GRIP1: variants seen among roughly 807,000 people sequenced by gnomAD.
GRIP1 encodes glutamate receptor interacting protein 1.
GRIP1 carries 45 observed loss-of-function variants against 129.9 expected under a neutral mutation model. The observed-to-expected ratio is 0.35, with a 90% CI of 0.27 to 0.44. The LOEUF is 0.44. Among genes scored for constraint, GRIP1 ranks in the 20% least tolerant of loss-of-function variants. GRIP1 has a pLI of 1.00. For synonymous variants in GRIP1, 530 were observed against 520.8 expected, an observed-to-expected ratio of 1.02 and a Z score of -0.24; for missense variants, 1,196 against 1,396.8, an observed-to-expected ratio of 0.86 and a Z score of 2.29.
At chr12:66,901,314 T>C (rs368779202) in intron 1 of GRIP1, among the ~76,000 whole-genome samples, 20 of 152,282 alleles carry the variant, frequency 1.3e-4, no homozygotes, top group Non-Finnish European at 2.2e-4. Context: ...TTTTAAGCAA[T>C]AGACAAAAGA....
intron 1 of GRIP1, among the ~76,000 whole-genome samples, chr12:66,972,780 A>G (rs1592411761): frequency 6.6e-6 from 1 of 152,276 alleles, no homozygotes; most frequent in East Asian, 1.9e-4. Flanking sequence ...ATTCTAATTC[A>G]TGCACACTCA....
At chr12:66,439,643 C>T (rs1360477394) in intron 13 of GRIP1, among the ~76,000 whole-genome samples, 2 of 152,134 alleles carry the variant, frequency 1.3e-5, no homozygotes, top group African/African-American at 2.4e-5. Context: ...TAATCTCTTC[C>T]ATTGCTGTTA....
At chr12:66,660,686 G>C (rs1410003246) in intron 1 of GRIP1, among the ~76,000 whole-genome samples, 1 of 152,084 alleles carries the variant, frequency 6.6e-6, no homozygotes, top group Admixed American at 6.5e-5. Context: ...CATTTCTGCT[G>C]CATGAAGTGA....
In GRIP1 at chr12:66,697,057, C is replaced by T. The variant is rs536577165; in HGVS notation, c.-419-66721G>A. ...AACTACTCTGAAGACAAGTGTGATC[C>T]CAGTGCCTGACATATAGCAGGTGCT... On this transcript the variant is annotated intron_variant, in intron 1 of 4. Transcript: ENST00000538373. Among the ~76,000 whole-genome samples, 24 of 152,134 alleles carry T rather than the reference C, an allele frequency of 1.6e-4. No homozygotes were observed. In the South Asian group the frequency reaches 2.5e-3, roughly 16 times the overall value.
chr12:66,390,812 G>A (rs1206718636), intron 19 of GRIP1, among the ~76,000 whole-genome samples: 2 of 152,080 alleles, frequency 1.3e-5, no homozygotes, highest in African/African-American at 4.8e-5. Context: ...GTGTCTTCTG[G>A]TGGCCCATCA....
rs188751870 is a variant in GRIP1, at chr12:66,905,007, G to A, written c.58+164043C>T. Among the ~76,000 whole-genome samples the A allele has an allele frequency of 3.9e-5, 6 of 152,258 alleles. No homozygotes were observed. The East Asian group carries it at 1.2e-3, about 29-fold the overall frequency. Reference sequence around the variant, plus strand: ...GTGCTGCGGTGTCCTCAACAAAGGAGATTTCACCATCCCAAGTCCTTAGAT... The same window carrying A: ...GTGCTGCGGTGTCCTCAACAAAGGAAATTTCACCATCCCAAGTCCTTAGAT... On this transcript the variant is annotated intron_variant, in intron 1 of 1. Coordinates refer to the GRIP1 transcript ENST00000643019.
intron 19 of GRIP1, among the ~76,000 whole-genome samples, chr12:66,380,204 C>T (rs1395492564): frequency 3.9e-5 from 6 of 152,212 alleles, no homozygotes; most frequent in South Asian, 2.1e-4. Flanking sequence ...GCCATCGTGC[C>T]GGCCCCATTT....
chr12:66,841,901 A>G (rs10437969), intron 1 of GRIP1, among the ~76,000 whole-genome samples: 24,584 of 152,168 alleles, frequency 0.16, 2,141 homozygotes, highest in East Asian at 0.37. Flanking sequence ...AAAGACACAC[A>G]TAATAAAAAT....
chr12:66,447,452 T>G (rs2058663036), intron 11 of GRIP1, among the ~76,000 whole-genome samples: 1 of 152,202 alleles, frequency 6.6e-6, no homozygotes, highest in African/African-American at 2.4e-5. Context: ...CTCAAATGTT[T>G]CTACCCTAAA....
intron 1 of GRIP1, among the ~76,000 whole-genome samples, chr12:66,890,324 C>T (rs540297543): frequency 6.6e-6 from 1 of 152,278 alleles, no homozygotes; most frequent in Admixed American, 6.5e-5. Context: ...AATGCTTGAA[C>T]CACAAACATA....
chr12:66,730,636 T>TGAG (rs2136494484), intron 1 of GRIP1, among the ~76,000 whole-genome samples: 1 of 147,784 alleles, frequency 6.8e-6, no homozygotes, highest in Non-Finnish European at 1.5e-5. Flanking sequence ...ATACTTGCTC[T>TGAG]TAAGTACAAG....
chr12:67,054,943 A>G (rs1239826846), intron 1 of GRIP1, among the ~76,000 whole-genome samples: 1 of 152,138 alleles, frequency 6.6e-6, no homozygotes, highest in Non-Finnish European at 1.5e-5. Context: ...AATTATCTCA[A>G]ATGTTGCCTA....
chr12:66,772,476 C>T (rs187100465), intron 1 of GRIP1, among the ~76,000 whole-genome samples: 1 of 152,286 alleles, frequency 6.6e-6, no homozygotes, highest in East Asian at 1.9e-4. Flanking sequence ...GAACATCAAT[C>T]CTGTTGGTGC....
intron 15 of GRIP1, among the ~76,000 whole-genome samples, chr12:66,409,210 C>T (rs1428536931): frequency 2.0e-5 from 3 of 152,102 alleles, no homozygotes; most frequent in Admixed American, 6.5e-5. Flanking sequence ...TTACTGGCAG[C>T]CATAGTTGAG....
At chr12:66,900,628 A>C (rs557277189) in intron 1 of GRIP1, among the ~76,000 whole-genome samples, 10 of 152,196 alleles carry the variant, frequency 6.6e-5, no homozygotes, top group South Asian at 2.1e-4. Flanking sequence ...GCAAGGCCTA[A>C]GGTGGCTATA....
intron 1 of GRIP1, among the ~76,000 whole-genome samples, chr12:66,608,627 C>A (rs2064650793): frequency 6.6e-6 from 1 of 152,132 alleles, no homozygotes; most frequent in South Asian, 2.1e-4. Context: ...CCACCATGCC[C>A]AGCCCAGACA....
intron 1 of GRIP1, among the ~76,000 whole-genome samples, chr12:67,035,273 G>A (rs2043078528): frequency 6.6e-6 from 1 of 152,132 alleles, no homozygotes; most frequent in African/African-American, 2.4e-5. Context: ...TCTTTTATCT[G>A]AGGATATCCC....
At chr12:66,904,223 T>C (rs2040890479) in intron 1 of GRIP1, among the ~76,000 whole-genome samples, 1 of 152,218 alleles carries the variant, frequency 6.6e-6, no homozygotes, top group Non-Finnish European at 1.5e-5. Context: ...TAGTATAATC[T>C]TAGTAGAGAC....
intron 1 of GRIP1, among the ~76,000 whole-genome samples, chr12:66,696,587 C>T (rs2035167753): frequency 6.6e-6 from 1 of 151,604 alleles, no homozygotes; most frequent in Non-Finnish European, 1.5e-5. Context: ...GAGATCGAGA[C>T]CATTCTGGCC....
Sources: gnomAD v4.1 joint callset for allele counts (sites outside exome capture counted in the v4.1 genomes callset) on GRCh38, gnomAD v4.1.1 for gene constraint, MANE v1.5 for transcripts, NCBI Gene and HGNC (gene_info 2026-07-23, HGNC 2026-07-21) for gene names.